The following NOS1AP variants were observed in gnomAD, a reference collection of about 807,000 sequenced individuals.
The protein encoded by NOS1AP is nitric oxide synthase 1 adaptor protein.
NOS1AP carries 21 observed loss-of-function variants against 56.2 expected under a neutral mutation model. The observed-to-expected ratio is 0.37, with a 90% CI of 0.26 to 0.54. The LOEUF is 0.54. Ranked by LOEUF, NOS1AP falls within the 20% of genes least tolerant of loss-of-function variation. The probability of loss-of-function intolerance (pLI) is 0.84; values close to 1 mark genes in which losing one functional copy is unlikely to be tolerated. For missense variants in NOS1AP, 522 were observed against 657.8 expected, an observed-to-expected ratio of 0.79 and a Z score of 2.26; for synonymous variants, 270 against 274.6, an observed-to-expected ratio of 0.98 and a Z score of 0.17.
chr1:162,295,885 C>T (rs1655440458), intron 3 of NOS1AP, among the ~76,000 whole-genome samples: 1 of 152,126 alleles, frequency 6.6e-6, no homozygotes, highest in Non-Finnish European at 1.5e-5. Flanking sequence ...TGAGTGACTA[C>T]ACTCCTCAGG....
chr1:162,081,098 C>T (rs577310354), intron 1 of NOS1AP, among the ~76,000 whole-genome samples: 1 of 152,264 alleles, frequency 6.6e-6, no homozygotes, highest in Non-Finnish European at 1.5e-5. Context: ...ATCAAGTGCT[C>T]ACTGTGTTCT....
intron 2 of NOS1AP, among the ~76,000 whole-genome samples, chr1:162,277,646 C>T (rs543066270): frequency 2.0e-5 from 3 of 152,326 alleles, no homozygotes; most frequent in Admixed American, 1.3e-4. Context: ...ATAGGAAAAG[C>T]AGTCCCACAT....
At chr1:162,140,360 CA>C (rs35076965) in intron 1 of NOS1AP, among the ~76,000 whole-genome samples, 102,497 of 152,016 alleles carry the variant, frequency 0.67, 35,025 homozygotes, top group Non-Finnish European at 0.72. Context: ...TGGGTATACC[CA>C]ATGTTTAGCT....
At chr1:162,365,288 T>A in intron 8 of NOS1AP, 116 bp from the exon 9 acceptor site, 3 of 1,568,388 alleles carry the variant, frequency 1.9e-6, no homozygotes, top group Non-Finnish European at 1.7e-6. Flanking sequence ...GGCTTCTTCT[T>A]GAACTGAATG....
At chr1:162,364,214 A>G in intron 8 of NOS1AP, 2 of 985,486 alleles carry the variant, frequency 2.0e-6, no homozygotes, top group Non-Finnish European at 2.4e-6. Flanking sequence ...ATCTTCCTGC[A>G]TCCTCGTCCC....
chr1:162,257,810 G>C (rs1429271785), intron 2 of NOS1AP, among the ~76,000 whole-genome samples: 1 of 152,034 alleles, frequency 6.6e-6, no homozygotes, highest in African/African-American at 2.4e-5. Context: ...GAGTACTATG[G>C]GCCACAGTGA....
At chr1:162,259,473 A>C (rs1329053104) in intron 2 of NOS1AP, among the ~76,000 whole-genome samples, 1 of 152,194 alleles carries the variant, frequency 6.6e-6, no homozygotes, top group Non-Finnish European at 1.5e-5. Context: ...TTTATACAAT[A>C]GTTTGACTTT....
chr1:162,298,626 TC>T (rs1197425167), intron 3 of NOS1AP, among the ~76,000 whole-genome samples: 1 of 152,180 alleles, frequency 6.6e-6, no homozygotes, highest in Admixed American at 6.5e-5. Context: ...CTTACAATAC[TC>T]AAAATGTCTA....
At chr1:162,281,888 G>A (rs879576776) in intron 2 of NOS1AP, among the ~76,000 whole-genome samples, 2 of 152,140 alleles carry the variant, frequency 1.3e-5, no homozygotes, top group Non-Finnish European at 2.9e-5. Flanking sequence ...TGGGAGGCTG[G>A]GGCGGGCAGA....
chr1:162,135,138 T>C (rs1648937187), intron 1 of NOS1AP, among the ~76,000 whole-genome samples: 2 of 152,256 alleles, frequency 1.3e-5, no homozygotes, highest in South Asian at 4.1e-4. Flanking sequence ...TTGGTAGATA[T>C]AACCTTATTA....
At position 162,171,547 on chromosome 1, in the gene NOS1AP, G is replaced by A. The variant is rs115672683; in HGVS notation, c.177+17071G>A. Among the ~76,000 whole-genome samples, 1,149 of 152,180 alleles carry A rather than the reference G, an allele frequency of 7.6e-3. 16 individuals carry two copies. The highest frequency in any genetic ancestry group is 0.026 in the African/African-American group (1,081 of 41,532). On this transcript the variant is annotated intron_variant, in intron 2 of 9. Coordinates refer to ENST00000361897, the MANE Select transcript of NOS1AP (RefSeq NM_014697.3). ...TGGCTTCTTCCTGTGCTTTACTTCT[G>A]TACTGGTCTTCACTCCTGCTAAAGT...
chr1:162,254,611 CA>C (rs1158367233), intron 2 of NOS1AP, among the ~76,000 whole-genome samples: 1 of 152,164 alleles, frequency 6.6e-6, no homozygotes, highest in Non-Finnish European at 1.5e-5. Flanking sequence ...GTGTTTTCTA[CA>C]GTAGCTAGCG....
intron 2 of NOS1AP, among the ~76,000 whole-genome samples, chr1:162,218,099 T>C (rs1652642445): frequency 6.6e-6 from 1 of 152,222 alleles, no homozygotes; most frequent in African/African-American, 2.4e-5. Context: ...GGCCTTTCTC[T>C]TCCTGGAGGC....
intron 2 of NOS1AP, among the ~76,000 whole-genome samples, chr1:162,161,888 A>G (rs1012464096): frequency 6.6e-6 from 1 of 152,240 alleles, no homozygotes; most frequent in African/African-American, 2.4e-5. Context: ...CACCTGCTAA[A>G]TGTTAGCTAT....
At chr1:162,138,074 CTG>C (rs1408774551) in intron 1 of NOS1AP, among the ~76,000 whole-genome samples, 2 of 152,312 alleles carry the variant, frequency 1.3e-5, no homozygotes, top group East Asian at 3.9e-4. Flanking sequence ...AATGCATAAT[CTG>C]TTGATTTGGT....
intron 5 of NOS1AP, among the ~76,000 whole-genome samples, chr1:162,340,343 C>G (rs1487545224): frequency 6.6e-6 from 1 of 152,174 alleles, no homozygotes; most frequent in Non-Finnish European, 1.5e-5. Flanking sequence ...GACCAAAGAT[C>G]CATTTGGCTC....
intron 3 of NOS1AP, among the ~76,000 whole-genome samples, chr1:162,287,924 A>G (rs551558309): frequency 6.0e-4 from 92 of 152,262 alleles, no homozygotes; most frequent in South Asian, 3.7e-3. Context: ...CTATATTTAC[A>G]TCGTCCCTCA....
chr1:162,334,849 A>T (rs531617432), intron 5 of NOS1AP, among the ~76,000 whole-genome samples: 1 of 152,338 alleles, frequency 6.6e-6, no homozygotes, highest in Admixed American at 6.5e-5. Context: ...AGAGAGGTTA[A>T]ATGACTTGCC....
intron 6 of NOS1AP, among the ~76,000 whole-genome samples, chr1:162,352,455 TA>T (rs1657545779): frequency 6.6e-6 from 1 of 152,016 alleles, no homozygotes; most frequent in South Asian, 2.1e-4. Flanking sequence ...TGATTTCAAC[TA>T]AAGTTTATCT....
Sources: allele counts gnomAD v4.1 joint callset (sites outside exome capture counted in the v4.1 genomes callset), GRCh38; gene constraint gnomAD v4.1.1; transcripts MANE v1.5; gene names NCBI Gene and HGNC (gene_info 2026-07-23, HGNC 2026-07-21).